The following ITPR2 variants were observed in gnomAD, a reference collection of about 807,000 sequenced individuals.
The protein encoded by ITPR2 is inositol 1,4,5-trisphosphate-gated calcium channel ITPR2.
ITPR2 carries 207 observed loss-of-function variants against 317.1 expected under a neutral mutation model. The ratio of observed to expected loss-of-function variants is 0.65; its 90% confidence interval spans 0.58 to 0.73. ITPR2 has a LOEUF of 0.73. Ranked by LOEUF, ITPR2 falls within the 30% of genes least tolerant of loss-of-function variation. The probability of loss-of-function intolerance (pLI) is 0.00; values close to 1 mark genes in which losing one functional copy is unlikely to be tolerated. For synonymous variants in ITPR2, 1,156 were observed against 1,149.1 expected (o/e 1.01, Z -0.12); for missense variants, 2,613 against 3,284.0 (o/e 0.80, Z 4.99).
At chr12:26,740,377 T>C (rs1324449065) in intron 2 of ITPR2, among the ~76,000 whole-genome samples, 2 of 152,206 alleles carry the variant, frequency 1.3e-5, no homozygotes, top group Non-Finnish European at 2.9e-5. Flanking sequence ...AAACACATAT[T>C]AGTCATCTTT....
chr12:26,508,018 T>C (rs745607426), intron 37 of ITPR2, among the ~76,000 whole-genome samples: 1 of 152,098 alleles, frequency 6.6e-6, no homozygotes, highest in Non-Finnish European at 1.5e-5. Context: ...CCCCTGGGTG[T>C]TGGTAAGCAT....
intron 2 of ITPR2, among the ~76,000 whole-genome samples, chr12:26,739,879 T>A (rs561758605): frequency 6.6e-6 from 1 of 152,318 alleles, no homozygotes; most frequent in South Asian, 2.1e-4. Context: ...TTGTTTCTCA[T>A]AAATATTTTT....
At chr12:26,591,320 G>A (rs1052639484) in intron 32 of ITPR2, among the ~76,000 whole-genome samples, 62 of 152,046 alleles carry the variant, frequency 4.1e-4, no homozygotes, top group African/African-American at 1.4e-3. Context: ...ATGGCAAACA[G>A]GTATATGAAA....
chr12:26,456,509 C>T (rs900032698), intron 45 of ITPR2, among the ~76,000 whole-genome samples: 5 of 152,198 alleles, frequency 3.3e-5, no homozygotes, highest in African/African-American at 4.8e-5. Context: ...AAACAGCCAA[C>T]CAGCTGCCCT....
chr12:26,495,537 A>G, intron 37 of ITPR2: 1 of 282,656 alleles, frequency 3.5e-6, no homozygotes, highest in Non-Finnish European at 6.6e-6. Context: ...CACAGTGTAT[A>G]CTTATCTCCA....
In ITPR2 at chr12:26,700,990, G is replaced by A. The variant is rs143288163; in HGVS notation, c.952-5340C>T. 2.7e-3 allele frequency among the ~76,000 whole-genome samples: 407 copies of A among 152,230 alleles called. 1 individual carries two copies. Among genetic ancestry groups the A allele is most frequent in the African/African-American group, 9.4e-3 (391 of 41,532 alleles). On this transcript the variant is annotated intron_variant, in intron 9 of 56. Coordinates refer to ENST00000381340, the MANE Select transcript of ITPR2 (RefSeq NM_002223.4). Reference sequence around the variant, plus strand: ...TTAGATAAATTTATTGATTTTGTATGGCAATGGCATATCCAAGATCAAAGG... The same window carrying A: ...TTAGATAAATTTATTGATTTTGTATAGCAATGGCATATCCAAGATCAAAGG...
intron 9 of ITPR2, among the ~76,000 whole-genome samples, chr12:26,697,825 C>G (rs1050264277): frequency 6.6e-6 from 1 of 150,594 alleles, no homozygotes; most frequent in Non-Finnish European, 1.5e-5. Flanking sequence ...TATATAAATA[C>G]TAAAATAACA....
At chr12:26,803,159 C>T (rs1950587908) in intron 1 of ITPR2, among the ~76,000 whole-genome samples, 2 of 152,124 alleles carry the variant, frequency 1.3e-5, no homozygotes, top group Admixed American at 6.5e-5. Flanking sequence ...ACCCATCCTC[C>T]AGAGGCTTAG....
At chr12:26,811,493 C>T (rs892229567) in intron 1 of ITPR2, among the ~76,000 whole-genome samples, 2 of 151,764 alleles carry the variant, frequency 1.3e-5, no homozygotes, top group African/African-American at 4.8e-5. Context: ...CGCCTGTAAT[C>T]CCAGCACTTT....
At chr12:26,717,575 C>T (rs1340435185) in intron 5 of ITPR2, among the ~76,000 whole-genome samples, 1 of 152,148 alleles carries the variant, frequency 6.6e-6, no homozygotes, top group African/African-American at 2.4e-5. Flanking sequence ...TCTCTATATA[C>T]AGTTAAGGAA....
chr12:26,478,484 G>A (rs1451795205), intron 43 of ITPR2, among the ~76,000 whole-genome samples: 1 of 152,042 alleles, frequency 6.6e-6, no homozygotes, highest in East Asian at 1.9e-4. Context: ...AACACTGACA[G>A]TGCTATCTAA....
At chr12:26,635,067 G>A (rs1000291886) in intron 21 of ITPR2, among the ~76,000 whole-genome samples, 2 of 152,098 alleles carry the variant, frequency 1.3e-5, no homozygotes, top group African/African-American at 4.8e-5. Context: ...GGAATGCTTG[G>A]GGAATACATT....
intron 28 of ITPR2, 144 bp downstream of exon 28, chr12:26,602,226 C>T (rs907432637): frequency 2.7e-6 from 2 of 748,554 alleles, no homozygotes; most frequent in Non-Finnish European, 4.2e-6. Flanking sequence ...AAAACATACA[C>T]AAAAGGGCTC....
At chr12:26,717,303 A>G (rs1948757290) in intron 5 of ITPR2, among the ~76,000 whole-genome samples, 2 of 152,232 alleles carry the variant, frequency 1.3e-5, no homozygotes, top group Admixed American at 6.5e-5. Context: ...CCCAAACTTT[A>G]AAAAACATAA....
At chr12:26,748,278 C>G (rs780161460) in intron 2 of ITPR2, among the ~76,000 whole-genome samples, 1 of 152,112 alleles carries the variant, frequency 6.6e-6, no homozygotes, top group Non-Finnish European at 1.5e-5. Context: ...AGGCTGGTCT[C>G]AAACTCCTGA....
intron 26 of ITPR2, among the ~76,000 whole-genome samples, chr12:26,613,058 T>G (rs1183986829): frequency 6.6e-6 from 1 of 152,212 alleles, no homozygotes; most frequent in African/African-American, 2.4e-5. Flanking sequence ...TGAAGTGTGT[T>G]CGTTCGTTGA....
Position 26,337,684 on chromosome 12 carries a change from T to C in ITPR2, c.*1713A>G, listed in dbSNP as rs1369459931. ...CATGCAGACATATCAAAATTTCTTA[T>C]ATCTTTGGATCATGAATGTCAGGGT... On this transcript the variant is annotated 3_prime_UTR_variant, in exon 57 of 57. Transcript: ENST00000381340. The C allele has an allele frequency of 6.6e-6, 1 of 152,250 alleles. No homozygotes were observed. The highest frequency in any genetic ancestry group is 2.4e-5 in the African/African-American group (1 of 41,478). The allele number at this position is 152,250 out of a possible 1,614,324, so 9.4% of individuals were successfully genotyped here. A position where few individuals can be genotyped will look rare whatever the true frequency, so the allele number is the denominator to read the frequency against.
intron 51 of ITPR2, among the ~76,000 whole-genome samples, chr12:26,412,822 C>A: frequency 6.6e-6 from 1 of 152,164 alleles, no homozygotes; most frequent in Non-Finnish European, 1.5e-5. Context: ...AAGGCATGGA[C>A]CAGTCAGAGT....
At chr12:26,730,753 T>G (rs190007516) in intron 2 of ITPR2, among the ~76,000 whole-genome samples, 4 of 152,332 alleles carry the variant, frequency 2.6e-5, no homozygotes, top group Non-Finnish European at 4.4e-5. Flanking sequence ...AGTGTTCATT[T>G]TAAACTGATA....
Sources: allele counts gnomAD v4.1 joint callset (sites outside exome capture counted in the v4.1 genomes callset), GRCh38; gene constraint gnomAD v4.1.1; transcripts MANE v1.5; gene names NCBI Gene and HGNC (gene_info 2026-07-23, HGNC 2026-07-21).